The following ARFGAP3 variants were observed in gnomAD, a reference collection of about 807,000 sequenced individuals.
The protein encoded by ARFGAP3 is ADP-ribosylation factor GTPase-activating protein 3.
Under a neutral mutation model 75.0 loss-of-function variants are expected in ARFGAP3, and 72 were observed. The observed-to-expected ratio is 0.96, with a 90% CI of 0.79 to 1.17. The LOEUF is 1.17. Among genes scored for constraint, ARFGAP3 ranks in the 50% most tolerant of loss-of-function variants. ARFGAP3 has a pLI of 0.00. For synonymous variants in ARFGAP3, 221 were observed against 217.9 expected, an observed-to-expected ratio of 1.01 and a Z score of -0.13; for missense variants, 620 against 626.6, an observed-to-expected ratio of 0.99 and a Z score of 0.11.
At chr22:42,837,291 G>A (rs1267394883) in intron 3 of ARFGAP3, among the ~76,000 whole-genome samples, 4 of 151,962 alleles carry the variant, frequency 2.6e-5, no homozygotes, top group Admixed American at 1.3e-4. Flanking sequence ...GTGAGACCAC[G>A]CCTCTACAAA....
Position 42,817,806 on chromosome 22 carries a change from T to G in ARFGAP3, c.864A>C (p.Lys288Asn), listed in dbSNP as rs750685499. ...AYKDLEIQMK[K>N]DEKMNISGKK... is the part of the protein sequence containing the mutation. ...TGCCACTAATGTTCATCTTTTCGTC[T>G]TTCTTCATTTGAATTTCAAGATCCT... is the stretch of plus-strand genomic sequence containing the variant. Residue 288 changes from lysine (K) to asparagine (N), a missense_variant, in exon 10 of 16, where the codon AAA (lysine) becomes AAC (asparagine). Physicochemically the swap from Lys to Asn is moderately conservative, Grantham distance 94. Coordinates refer to ENST00000263245, the MANE Select transcript of ARFGAP3 (RefSeq NM_014570.5). 2.5e-6 allele frequency: 4 copies of G among 1,613,422 alleles called. No individual in the cohort carries two copies. The African/African-American group carries it at 5.3e-5, about 22-fold the overall frequency.
At chr22:42,829,065 G>A (rs1305586571) in intron 6 of ARFGAP3, among the ~76,000 whole-genome samples, 2 of 152,108 alleles carry the variant, frequency 1.3e-5, no homozygotes, top group African/African-American at 2.4e-5. Context: ...GATATATAAC[G>A]CACTGTTCCT....
chr22:42,822,603 C>T (rs1038892562), intron 8 of ARFGAP3, 194 bp from the exon 9 acceptor site: 4 of 219,530 alleles, frequency 1.8e-5, no homozygotes, highest in South Asian at 1.6e-4. Context: ...ATTGGTTTCA[C>T]GACCCTGTGG....
Position 42,857,198 on chromosome 22 carries a change from G to C in ARFGAP3, c.-16C>G, listed in dbSNP as rs114765358. 6,582 of 1,507,532 alleles carry C rather than the reference G, an allele frequency of 4.4e-3. 285 individuals are homozygous for C. The African/African-American group carries it at 0.087, about 20-fold the overall frequency. 93.4% of individuals were successfully genotyped at this position (1,507,532 alleles called of 1,614,324 possible). ...GGTCCCCCATCGTCAGCTGTGAGCC[G>C]CGGCGCAGCTGGCCCAGCCAACCGG... On this transcript the variant is annotated 5_prime_UTR_variant, in exon 1 of 16. Coordinates refer to ENST00000263245, the MANE Select transcript of ARFGAP3 (RefSeq NM_014570.5).
intron 14 of ARFGAP3, among the ~76,000 whole-genome samples, chr22:42,806,811 C>T (rs1324032467): frequency 1.3e-5 from 2 of 152,196 alleles, no homozygotes; most frequent in Non-Finnish European, 2.9e-5. Context: ...CAGCCGCACT[C>T]AGCTAGAAAA....
chr22:42,844,380 T>C (rs1336517528), intron 2 of ARFGAP3, among the ~76,000 whole-genome samples: 1 of 150,058 alleles, frequency 6.7e-6, no homozygotes, highest in African/African-American at 2.5e-5. Context: ...AGGTCAGGAG[T>C]TCAAGACCAG....
chr22:42,826,980 T>C lies in ARFGAP3; in HGVS notation c.585A>G (p.Pro195=), dbSNP rs1351591414. 6.2e-7 allele frequency: 1 copy of C among 1,613,636 alleles called. No individual in the cohort carries two copies. Among genetic ancestry groups the C allele is most frequent in the Admixed American group, 1.7e-5 (1 of 59,952 alleles). ...TTGGTACATTAAGACCTTCCACACTTGGTCCTTGCTCTTGTCCACCTGAAA... is the reference window on the plus strand; with the variant it reads ...TTGGTACATTAAGACCTTCCACACTCGGTCCTTGCTCTTGTCCACCTGAAA... ...ENNEGGQEQG[P]SVEGLNVPTK... is the part of the protein sequence containing the mutation. Residue 195 remains proline, a synonymous_variant, in exon 7 of 16, where the codon CCA becomes CCG. Transcript: ENST00000263245.
intron 6 of ARFGAP3, among the ~76,000 whole-genome samples, chr22:42,831,103 C>A (rs943375538): frequency 2.0e-5 from 3 of 151,876 alleles, no homozygotes; most frequent in African/African-American, 7.3e-5. Context: ...AGTTCGAGAT[C>A]AGCATGGCCA....
chr22:42,831,298 A>C (rs1926274611), intron 6 of ARFGAP3, among the ~76,000 whole-genome samples: 1 of 151,402 alleles, frequency 6.6e-6, no homozygotes, highest in Non-Finnish European at 1.5e-5. Context: ...AAAAAAAAAA[A>C]AAAAAGACAG....
At chr22:42,828,248 C>T (rs1040844880) in intron 6 of ARFGAP3, among the ~76,000 whole-genome samples, 2 of 150,954 alleles carry the variant, frequency 1.3e-5, no homozygotes, top group Non-Finnish European at 3.0e-5. Flanking sequence ...TGGTGAAACC[C>T]TGTATCTACT....
chr22:42,824,294 G>A (rs1569152007), intron 7 of ARFGAP3, among the ~76,000 whole-genome samples: 1 of 148,434 alleles, frequency 6.7e-6, no homozygotes, highest in Non-Finnish European at 1.5e-5. Flanking sequence ...GAAATTATGA[G>A]TATGAGCCAC....
intron 3 of ARFGAP3, among the ~76,000 whole-genome samples, chr22:42,836,622 C>T (rs1480766106): frequency 1.3e-5 from 2 of 152,110 alleles, no homozygotes; most frequent in African/African-American, 4.8e-5. Context: ...CATGAGGATC[C>T]ATGTATAGAC....
chr22:42,830,511 C>T (rs1926238586), intron 6 of ARFGAP3, among the ~76,000 whole-genome samples: 1 of 152,178 alleles, frequency 6.6e-6, no homozygotes, highest in South Asian at 2.1e-4. Context: ...TATAAGCCAG[C>T]ACTTCTTAAG....
intron 10 of ARFGAP3, 83 bp downstream of exon 10, chr22:42,817,646 G>C (rs1925636674): frequency 8.8e-7 from 1 of 1,137,842 alleles, no homozygotes; most frequent in Non-Finnish European, 1.2e-6. Context: ...CTCTAAAGTT[G>C]AAACTAACAC....
chr22:42,840,120 G>T (rs530844687), intron 3 of ARFGAP3, among the ~76,000 whole-genome samples: 183 of 151,720 alleles, frequency 1.2e-3, no homozygotes, highest in African/African-American at 4.3e-3. Context: ...TTGCAGAAAC[G>T]GAGTTTTGTC....
chr22:42,857,006 A>AG (rs1163362114), intron 1 of ARFGAP3, 108 bp downstream of exon 1: 2 of 1,204,322 alleles, frequency 1.7e-6, no homozygotes, highest in African/African-American at 3.3e-5. Context: ...GACGTGTCAC[A>AG]GGCCGCGCCG....
chr22:42,822,018 G>A lies in ARFGAP3; in HGVS notation c.812+252C>T, dbSNP rs111691929. The stretch of plus-strand genomic sequence containing the variant: ...ATGTTTCATGTGTAAACACCTCCAT[G>A]CATCTCTGTCTTTCCCTTCTCACTG... On this transcript the variant is annotated intron_variant, in intron 9 of 15. Coordinates refer to ENST00000263245, the MANE Select transcript of ARFGAP3 (RefSeq NM_014570.5). Among the ~76,000 whole-genome samples the A allele has an allele frequency of 1.6e-3, 248 of 152,196 alleles. 2 individuals carry two copies. Among genetic ancestry groups the A allele is most frequent in the African/African-American group, 5.7e-3 (238 of 41,514 alleles).
chr22:42,854,238 T>C (rs1602139319), intron 1 of ARFGAP3, among the ~76,000 whole-genome samples: 1 of 152,220 alleles, frequency 6.6e-6, no homozygotes, highest in African/African-American at 2.4e-5. Flanking sequence ...CAGCATAGCA[T>C]AGGTGCTTAA....
At chr22:42,839,110 A>AG (rs1926665916) in intron 3 of ARFGAP3, among the ~76,000 whole-genome samples, 3 of 48,718 alleles carry the variant, frequency 6.2e-5, no homozygotes, top group Non-Finnish European at 1.6e-4. Flanking sequence ...ATTCCGTCTC[A>AG]AAAAAAAAAA....
Sources: allele counts gnomAD v4.1 joint callset (sites outside exome capture counted in the v4.1 genomes callset), GRCh38; gene constraint gnomAD v4.1.1; transcripts MANE v1.5; gene names NCBI Gene and HGNC (gene_info 2026-07-23, HGNC 2026-07-21).